UNC79: variants seen among roughly 807,000 people sequenced by gnomAD.
UNC79 encodes the protein protein unc-79 homolog.
UNC79 carries 37 observed loss-of-function variants against 283.1 expected under a neutral mutation model. The ratio of observed to expected loss-of-function variants is 0.13; its 90% CI spans 0.10 to 0.17. The LOEUF is 0.17. UNC79 is among the 10% of genes least tolerant of loss of function. The pLI is 1.00. For missense variants in UNC79, 2,272 were observed against 3,211.1 expected, an observed-to-expected ratio of 0.71 and a Z score of 7.07; for synonymous variants, 1,107 against 1,200.2, an observed-to-expected ratio of 0.92 and a Z score of 1.61.
intron 46 of UNC79, among the ~76,000 whole-genome samples, chr14:93,693,125 A>T (rs2074830588): frequency 6.6e-6 from 1 of 152,210 alleles, no homozygotes; most frequent in Non-Finnish European, 1.5e-5. Flanking sequence ...TTCTTTAGAG[A>T]TGCAAATGAT....
chr14:93,549,276 T>G (rs1358685499), intron 14 of UNC79, among the ~76,000 whole-genome samples: 1 of 152,228 alleles, frequency 6.6e-6, no homozygotes, highest in Admixed American at 6.5e-5. Context: ...CTATAAACTT[T>G]GTCAGAATAA....
intron 48 of UNC79, 107 bp from the exon 52 acceptor site, chr14:93,706,597 C>A: frequency 1.5e-6 from 2 of 1,304,842 alleles, no homozygotes; most frequent in Non-Finnish European, 2.2e-6. Context: ...GGCCAGACAA[C>A]CCTTGAGCCA....
intron 14 of UNC79, among the ~76,000 whole-genome samples, chr14:93,568,824 G>T (rs553543491): frequency 6.6e-6 from 1 of 152,192 alleles, no homozygotes; most frequent in East Asian, 1.9e-4. Context: ...CATTATAAGG[G>T]CTAATGCTTT....
At chr14:93,582,239 T>C in exon 20 of UNC79, 2 of 1,614,104 alleles carry the variant, frequency 1.2e-6, no homozygotes, top group Non-Finnish European at 1.7e-6. Context: ...CCTCCTTTCT[T>C]CCAGACCAGA....
chr14:93,647,561 T>A (rs765097849), intron 35 of UNC79, among the ~76,000 whole-genome samples: 6 of 152,098 alleles, frequency 3.9e-5, no homozygotes, highest in Non-Finnish European at 7.4e-5. Context: ...GTCAGGAAAA[T>A]GCCTCATATA....
chr14:93,706,876 A>G (rs774618267), exon 49 of UNC79: 1 of 1,614,048 alleles, frequency 6.2e-7, no homozygotes, highest in Admixed American at 1.7e-5. Flanking sequence ...CAGTCCTCGG[A>G]AGCAGCCTCT....
intron 1 of UNC79, among the ~76,000 whole-genome samples, chr14:93,445,912 G>C (rs374568711): frequency 1.3e-5 from 2 of 151,996 alleles, no homozygotes; most frequent in Non-Finnish European, 2.9e-5. Flanking sequence ...CCATTTACTG[G>C]TATAAAGTTA....
chr14:93,547,262 T>G (rs1231439020), intron 14 of UNC79, among the ~76,000 whole-genome samples: 4 of 152,250 alleles, frequency 2.6e-5, no homozygotes, highest in African/African-American at 4.8e-5. Flanking sequence ...CCTATACAAA[T>G]GTAACCTAAG....
chr14:93,575,040 T>C lies in UNC79; in HGVS notation c.2071-18T>C. On this transcript the variant is annotated intron_variant, in intron 16 of 48. Coordinates refer to ENST00000555664, the Ensembl canonical transcript of UNC79. Reference sequence around the variant, plus strand: ...ATTTACATGTGTTTTTTGGGGGATATATGCCTTTTTTCCCTAGGTATTATC... The same window carrying C: ...ATTTACATGTGTTTTTTGGGGGATACATGCCTTTTTTCCCTAGGTATTATC... 1.3e-6 allele frequency: 2 copies of C among 1,590,878 alleles called. No homozygotes were observed. The highest frequency in any genetic ancestry group is 1.7e-6 in the Non-Finnish European group (2 of 1,170,934).
chr14:93,345,867 A>G (rs1315149932), intron 1 of UNC79, among the ~76,000 whole-genome samples: 1 of 151,922 alleles, frequency 6.6e-6, no homozygotes, highest in African/African-American at 2.4e-5. Context: ...TCCTGGAGGA[A>G]CGTCACAATT....
intron 11 of UNC79, among the ~76,000 whole-genome samples, chr14:93,536,717 T>C (rs2061093553): frequency 6.6e-6 from 1 of 151,676 alleles, no homozygotes; most frequent in Non-Finnish European, 1.5e-5. Context: ...CCCTTATTGT[T>C]GAATGAAGTG....
chr14:93,475,632 G>A (rs894434816), intron 3 of UNC79, among the ~76,000 whole-genome samples: 1 of 152,168 alleles, frequency 6.6e-6, no homozygotes, highest in African/African-American at 2.4e-5. Flanking sequence ...ACATAAGACT[G>A]CCAGAGCTTA....
intron 1 of UNC79, among the ~76,000 whole-genome samples, chr14:93,371,636 C>A (rs565521133): frequency 3.3e-5 from 5 of 151,358 alleles, no homozygotes; most frequent in African/African-American, 1.2e-4. Flanking sequence ...GTCAGGAGAT[C>A]GAGACCATCC....
At chr14:93,340,777 GC>G (rs1450039417) in intron 1 of UNC79, among the ~76,000 whole-genome samples, 3 of 151,806 alleles carry the variant, frequency 2.0e-5, no homozygotes, top group Non-Finnish European at 4.4e-5. Context: ...TTGTCATGTT[GC>G]CCAGGCTGGT....
intron 1 of UNC79, among the ~76,000 whole-genome samples, chr14:93,366,614 C>T (rs2054340071): frequency 6.6e-6 from 1 of 150,930 alleles, no homozygotes; most frequent in South Asian, 2.1e-4. Flanking sequence ...ACTCTGTCAC[C>T]CAGGCTGGAG....
chr14:93,459,641 T>A (rs1370230110), intron 1 of UNC79, among the ~76,000 whole-genome samples: 1 of 151,246 alleles, frequency 6.6e-6, no homozygotes, highest in East Asian at 1.9e-4. Context: ...TTTGGGCAAG[T>A]CACTTACTGT....
chr14:93,424,910 T>A (rs576508052), intron 1 of UNC79, among the ~76,000 whole-genome samples: 1 of 152,270 alleles, frequency 6.6e-6, no homozygotes, highest in East Asian at 1.9e-4. Flanking sequence ...AGGTGATGAA[T>A]ACACCATTTA....
intron 41 of UNC79, among the ~76,000 whole-genome samples, chr14:93,682,344 A>G (rs1049863080): frequency 6.6e-6 from 1 of 152,250 alleles, no homozygotes; most frequent in Non-Finnish European, 1.5e-5. Context: ...AAATCTGACA[A>G]TGCTGACATC....
intron 1 of UNC79, among the ~76,000 whole-genome samples, chr14:93,457,806 T>C (rs2056837484): frequency 6.6e-6 from 1 of 152,054 alleles, no homozygotes; most frequent in African/African-American, 2.4e-5. Flanking sequence ...TGAATTAAGG[T>C]GATGTCAATG....
Sources: allele counts gnomAD v4.1 joint callset (sites outside exome capture counted in the v4.1 genomes callset), GRCh38; gene constraint gnomAD v4.1.1; transcripts MANE v1.5; gene names NCBI Gene and HGNC (gene_info 2026-07-23, HGNC 2026-07-21).